CA9: variants seen among roughly 807,000 people sequenced by gnomAD.
CA9 encodes the protein CA-IX.
Under a neutral mutation model 51.8 loss-of-function variants are expected in CA9, and 43 were observed. The ratio of observed to expected loss-of-function variants is 0.83; its 90% CI spans 0.65 to 1.07. CA9 has a LOEUF of 1.07. Ranked by LOEUF, CA9 falls within the 50% of genes least tolerant of loss-of-function variation. The pLI is 0.00. For missense variants in CA9, 574 were observed against 581.4 expected (o/e 0.99, Z 0.13); for synonymous variants, 253 against 244.2 (o/e 1.04, Z -0.34).
rs755506506 is a variant in CA9, at chr9:35,674,279, C to A, written c.320C>A (p.Ser107Tyr). ...AAGCCTAAATCAGAAGAAGAGGGCT[C>A]CCTGAAGTTAGAGGATCTACCTACT... ...EVKPKSEEEG[S>Y]LKLEDLPTVE... is the part of the protein sequence containing the mutation. The change falls in exon 1 of 11, where the codon TCC becomes TAC. Residue 107 changes from serine (S) to tyrosine (Y), a missense_variant. Ser to Tyr is a moderately radical substitution (Grantham distance 144, BLOSUM62 -2). Transcript: ENST00000378357. 6.2e-7 allele frequency: 1 copy of A among 1,614,106 alleles called. No individual in the cohort carries two copies. Among genetic ancestry groups the A allele is most frequent in the South Asian group, 1.1e-5 (1 of 91,072 alleles).
At chr9:35,675,658 T>TAC in intron 2 of CA9, 91 bp downstream of exon 2, 4 of 1,407,076 alleles carry the variant, frequency 2.8e-6, no homozygotes, top group African/African-American at 1.4e-5. Flanking sequence ...GTCCCGGGCG[T>TAC]CCCACCCGCC....
Position 35,677,799 on chromosome 9 carries a change from G to T in CA9, c.850G>T (p.Glu284Ter). Residue 284 changes from glutamate to a stop codon, truncating the protein, a stop_gained, in exon 6 of 11, where the codon GAA (glutamate) becomes TAA (stop). Coordinates refer to ENST00000378357, the MANE Select transcript of CA9 (RefSeq NM_001216.3). LOFTEE classifies it high-confidence loss of function. ...VLAAFLEEGP[E>*]ENSAYEQLLS... is the part of the protein sequence containing the mutation. The stretch of plus-strand genomic sequence containing the variant: ...CAATGTCATCCCCCAGGAGGGCCCG[G>T]AAGAAAACAGTGCCTATGAGCAGTT... The T allele has an allele frequency of 6.2e-7, 1 of 1,614,104 alleles. No individual in the cohort carries two copies. Among genetic ancestry groups the T allele is most frequent in the South Asian group, 1.1e-5 (1 of 91,084 alleles).
chr9:35,675,929 G>T lies in CA9; in HGVS notation c.602G>T (p.Ser201Ile). 6.2e-7 allele frequency: 1 copy of T among 1,603,504 alleles called. No individual in the cohort carries two copies. The highest frequency in any genetic ancestry group is 8.5e-7 in the Non-Finnish European group (1 of 1,175,266). The change falls in exon 3 of 11, where the codon AGT (serine) becomes ATT (isoleucine). Residue 201 changes from serine (S) to isoleucine (I), a missense_variant and splice_region_variant. Ser to Ile is a moderately radical substitution (Grantham distance 142, BLOSUM62 -2). Coordinates refer to ENST00000378357, the MANE Select transcript of CA9 (RefSeq NM_001216.3). ...CTGCGCCTGCGCAACAATGGCCACA[G>T]TGGTGAGGGGGTCTCCCCGCCGAGA... ...PELRLRNNGH[S>I]VQLTLPPGLE...
At position 35,676,347 on chromosome 9, in the gene CA9, G is replaced by C; in HGVS notation, c.798G>C (p.Leu266Phe). The C allele has an allele frequency of 6.2e-7, 1 of 1,613,994 alleles. No individual in the cohort carries two copies. The highest frequency in any genetic ancestry group is 8.5e-7 in the Non-Finnish European group (1 of 1,179,992). The change falls in exon 5 of 11, where the codon TTG becomes TTC. Residue 266 changes from leucine (L) to phenylalanine (F), a missense_variant. By Grantham distance (22) the Leu-to-Phe change is conservative. Transcript: ENST00000378357. The part of the protein sequence containing the change: ...STAFARVDEA[L>F]GRPGGLAVLA... ...CCTTTGCCAGAGTTGACGAGGCCTT[G>C]GGGCGCCCGGGAGGCCTGGCCGTGT...
rs200500739 is a variant in CA9 at position 35,681,016 on chromosome 9, T to C, written c.1371T>C (p.Thr457=). The C allele has an allele frequency of 2.5e-6, 4 of 1,613,824 alleles. No homozygotes were observed. The highest frequency in any genetic ancestry group is 3.3e-5 in the Admixed American group (2 of 59,982). ...ACCGCCCAGCAGAGGTAGCCGAGAC[T>C]GGAGCCTAGAGGCTGGATCTTGGAG... ...VSYRPAEVAE[T]GA The change falls in exon 11 of 11, where the codon ACT becomes ACC. Residue 457 remains threonine, a synonymous_variant. Coordinates refer to ENST00000378357, the MANE Select transcript of CA9 (RefSeq NM_001216.3).
At chr9:35,677,587 T>A (rs577724168) in intron 5 of CA9, among the ~76,000 whole-genome samples, 14 of 151,670 alleles carry the variant, frequency 9.2e-5, no homozygotes, top group African/African-American at 2.9e-4. Flanking sequence ...AAATAATACA[T>A]AGGATTTTAA....
At chr9:35,676,233 G>A (rs1824419761) in intron 4 of CA9, 27 bp downstream of exon 4, 1 of 1,612,728 alleles carries the variant, frequency 6.2e-7, no homozygotes, top group African/African-American at 1.3e-5. Context: ...CCGAGAAGGG[G>A]CAAAGGAGCG....
Position 35,676,123 on chromosome 9 carries a change from G to T in CA9, c.664G>T (p.Ala222Ser). 6.2e-7 allele frequency: 1 copy of T among 1,613,706 alleles called. No individual in the cohort carries two copies. The highest frequency in any genetic ancestry group is 8.5e-7 in the Non-Finnish European group (1 of 1,179,844). ...MALGPGREYR[A>S]LQLHLHWGAA... ...TCTGGGTCCCGGGCGGGAGTACCGG[G>T]CTCTGCAGCTGCATCTGCACTGGGG... Residue 222 changes from alanine to serine, a missense_variant, in exon 4 of 11, where the codon GCT (alanine) becomes TCT (serine). Coordinates refer to ENST00000378357, the MANE Select transcript of CA9 (RefSeq NM_001216.3).
At chr9:35,676,414 C>T (rs1397935191) in intron 5 of CA9, 25 bp downstream of exon 5, 1 of 1,572,660 alleles carries the variant, frequency 6.4e-7, no homozygotes, top group South Asian at 1.1e-5. Context: ...ACACCCCCTA[C>T]TCCCCGCTTT....
chr9:35,681,072 G>T lies in CA9; in HGVS notation c.*47G>T, dbSNP rs1824543370. ...GAGAAGCCAGCCAGAGGCATCTGAG[G>T]GGGAGCCGGTAACTGTCCTGTCCTG... On this transcript the variant is annotated 3_prime_UTR_variant, in exon 11 of 11. Coordinates refer to ENST00000378357, the MANE Select transcript of CA9 (RefSeq NM_001216.3). 2 of 1,559,782 alleles carry T rather than the reference G, an allele frequency of 1.3e-6. No individual in the cohort carries two copies. The highest frequency in any genetic ancestry group is 1.1e-5 in the South Asian group (1 of 88,782).
Position 35,676,142 on chromosome 9 carries a change from A to C in CA9, c.683A>C (p.His228Pro). 1 of 1,613,350 alleles carries C rather than the reference A, an allele frequency of 6.2e-7. No homozygotes were observed. Among genetic ancestry groups the C allele is most frequent in the Non-Finnish European group, 8.5e-7 (1 of 1,179,706 alleles). Reference sequence around the variant, plus strand: ...TACCGGGCTCTGCAGCTGCATCTGCACTGGGGGGCTGCAGGTCGTCCGGGC... The same window carrying C: ...TACCGGGCTCTGCAGCTGCATCTGCCCTGGGGGGCTGCAGGTCGTCCGGGC... ...REYRALQLHL[H>P]WGAAGRPGSE... Residue 228 changes from histidine (H) to proline (P), a missense_variant, in exon 4 of 11, where the codon CAC (histidine) becomes CCC (proline). Coordinates refer to ENST00000378357, the MANE Select transcript of CA9 (RefSeq NM_001216.3).
intron 10 of CA9, 21 bp from the exon 11 acceptor site, chr9:35,680,944 T>C (rs755581135): frequency 1.2e-6 from 2 of 1,613,654 alleles, no homozygotes; most frequent in Non-Finnish European, 8.5e-7. Context: ...CTGATTAGCC[T>C]TTCCTGTTGT....
chr9:35,677,996 A>G lies in CA9; in HGVS notation c.907+140A>G, dbSNP rs1824457296. 5.6e-6 allele frequency: 4 copies of G among 711,592 alleles called. No homozygotes were observed. In the South Asian group the frequency reaches 6.4e-5, roughly 11 times the overall value. The allele number at this position is 711,592 out of a possible 1,614,324, so 44.1% of individuals were successfully genotyped here. On this transcript the variant is annotated intron_variant, in intron 6 of 10. Transcript: ENST00000378357. ...GCATGAGCCAGCGCTCATCTTGATA[A>G]TAACCATGAAGCTGACAGACACAGT...
At chr9:35,677,293 A>G (rs1824443576) in intron 5 of CA9, among the ~76,000 whole-genome samples, 1 of 152,258 alleles carries the variant, frequency 6.6e-6, no homozygotes, top group Non-Finnish European at 1.5e-5. Flanking sequence ...AAAAAAGAAT[A>G]ATAAATAAAA....
At position 35,679,881 on chromosome 9, in the gene CA9, G is replaced by C; in HGVS notation, c.1093G>C (p.Gly365Arg). 1.2e-6 allele frequency: 2 copies of C among 1,612,168 alleles called. No homozygotes were observed. The highest frequency in any genetic ancestry group is 1.7e-6 in the Non-Finnish European group (2 of 1,179,250). Residue 365 changes from glycine (G) to arginine (R), a missense_variant, in exon 8 of 11, where the codon GGA becomes CGA. Transcript: ENST00000378357. ...QLHTLSDTLW[G>R]PGDSRLQLNF... Reference sequence around the variant, plus strand: ...CCACACCCTCTCTGACACCCTGTGGGGACCTGGTGACTCTCGGCTACAGCT... The same window carrying C: ...CCACACCCTCTCTGACACCCTGTGGCGACCTGGTGACTCTCGGCTACAGCT...
In CA9 at chr9:35,674,050, C is replaced by T. The variant is rs1172594717; in HGVS notation, c.91C>T (p.Leu31Phe). Residue 31 changes from leucine to phenylalanine, a missense_variant, in exon 1 of 11, where the codon CTT becomes TTT. Transcript: ENST00000378357. ...TGTGCAACTGCTGCTGTCACTGCTG[C>T]TTCTGGTGCCTGTCCATCCCCAGAG... ...LTVQLLLSLL[L>F]LVPVHPQRLP... The T allele has an allele frequency of 6.2e-7, 1 of 1,614,214 alleles. No individual in the cohort carries two copies. Among genetic ancestry groups the T allele is most frequent in the South Asian group, 1.1e-5 (1 of 91,086 alleles).
chr9:35,678,393 A>C (rs1255324174), intron 6 of CA9, among the ~76,000 whole-genome samples: 2 of 145,712 alleles, frequency 1.4e-5, no homozygotes, highest in Non-Finnish European at 2.9e-5. Flanking sequence ...AAAATGAGAC[A>C]AAAAAAACAA....
In CA9 at chr9:35,674,176, A is replaced by AGAGAGGAGGATCCACCCG. The variant is rs777101594; in HGVS notation, c.230_247dup (p.Pro77_Asp82dup). 1 of 1,614,076 alleles carries AGAGAGGAGGATCCACCCG rather than the reference A, an allele frequency of 6.2e-7. No homozygotes were observed. Among genetic ancestry groups the AGAGAGGAGGATCCACCCG allele is most frequent in the Admixed American group, 1.7e-5 (1 of 60,014 alleles). ...TCTGCCCAGTGAAGAGGATTCACCCAGAGAGGAGGATCCACCCGGAGAGGA... is the reference window on the plus strand; with the variant it reads ...TCTGCCCAGTGAAGAGGATTCACCCAGAGAGGAGGATCCACCCGGAGAGGAGGATCCACCCGGAGAGGA... On this transcript the variant is annotated inframe_insertion, in exon 1 of 11. Coordinates refer to ENST00000378357, the MANE Select transcript of CA9 (RefSeq NM_001216.3).
At chr9:35,680,684 G>A (rs1824529800) in intron 9 of CA9, 69 bp from the exon 10 acceptor site, 2 of 1,289,386 alleles carry the variant, frequency 1.6e-6, no homozygotes, top group Non-Finnish European at 2.2e-6. Flanking sequence ...AGTGCACTGA[G>A]GCAGGTGTTG....
Sources: allele counts gnomAD v4.1 joint callset (sites outside exome capture counted in the v4.1 genomes callset), GRCh38; gene constraint gnomAD v4.1.1; transcripts MANE v1.5; gene names NCBI Gene and HGNC (gene_info 2026-07-23, HGNC 2026-07-21).